USP24: variants seen among roughly 807,000 people sequenced by gnomAD.
The protein encoded by USP24 is ubiquitin specific peptidase 24.
In USP24, 97 loss-of-function variants were observed where a neutral mutation model predicts 361.6. The ratio of observed to expected loss-of-function variants is 0.27; its 90% CI spans 0.23 to 0.32. USP24 has a LOEUF of 0.32. Among genes scored for constraint, USP24 ranks in the 10% least tolerant of loss-of-function variants. The pLI, the probability that USP24 is intolerant of heterozygous loss-of-function variation, is 1.00. For missense variants in USP24, 2,353 were observed against 3,165.6 expected, an observed-to-expected ratio of 0.74 and a Z score of 6.16; for synonymous variants, 1,098 against 1,124.6, an observed-to-expected ratio of 0.98 and a Z score of 0.47.
In USP24 at chr1:55,157,363, T is replaced by C. The variant is rs751387291; in HGVS notation, c.1235A>G (p.Lys412Arg). ...AKMNSLKEVT[K>R]LIEDSTLSKS... ...GGATAAAGTGCTATCTTCTATTAGT[T>C]TGGTTACCTAAAAAGATAAGATTAT... Residue 412 changes from lysine to arginine, a missense_variant, in exon 11 of 68, where the codon AAA becomes AGA. Physicochemically the swap from Lys to Arg is conservative, Grantham distance 26. Around this residue, in one of 8 missense-constraint regions of USP24, gnomAD observed 386 missense variants for 560.5 expected, o/e 0.69. Coordinates refer to ENST00000294383, the MANE Select transcript of USP24 (RefSeq NM_015306.3). 72 of 1,566,668 alleles carry C rather than the reference T, an allele frequency of 4.6e-5. No individual in the cohort carries two copies. The highest frequency in any genetic ancestry group is 5.8e-5 in the Non-Finnish European group (67 of 1,156,064).
chr1:55,182,540 A>G (rs1644005938), intron 1 of USP24, among the ~76,000 whole-genome samples: 1 of 152,122 alleles, frequency 6.6e-6, no homozygotes, highest in African/African-American at 2.4e-5. Flanking sequence ...CAAACAACAT[A>G]TGAAATCGTC....
intron 59 of USP24, 133 bp from the exon 60 acceptor site, chr1:55,079,792 C>CGGAG: frequency 6.0e-6 from 5 of 827,784 alleles, no homozygotes; most frequent in Non-Finnish European, 8.4e-6. Flanking sequence ...TACTCACACA[C>CGGAG]TGAGTACTCA....
intron 1 of USP24, among the ~76,000 whole-genome samples, chr1:55,207,021 T>C (rs1644725073): frequency 6.6e-6 from 1 of 151,808 alleles, no homozygotes; most frequent in African/African-American, 2.4e-5. Flanking sequence ...AATACAAAAA[T>C]TGGCACACAC....
Position 55,124,646 on chromosome 1 carries a change from T to C in USP24, c.3961-18A>G. 1.2e-6 allele frequency: 2 copies of C among 1,613,108 alleles called. No individual in the cohort carries two copies. Among genetic ancestry groups the C allele is most frequent in the African/African-American group, 1.3e-5 (1 of 75,000 alleles). The stretch of plus-strand genomic sequence containing the variant: ...TCCATTGTCTAAAGAATGGAACAAG[T>C]ATTATGAGAAAGAGCAATACTTGAA... On this transcript the variant is annotated intron_variant, in intron 34 of 67. Coordinates refer to ENST00000294383, the MANE Select transcript of USP24 (RefSeq NM_015306.3).
At chr1:55,142,827 C>T (rs1294961256) in intron 22 of USP24, 32 bp from the exon 23 acceptor site, 6 of 1,469,370 alleles carry the variant, frequency 4.1e-6, no homozygotes, top group Non-Finnish European at 5.5e-6. Flanking sequence ...ACAATTAGTC[C>T]TTGACATTTA....
At chr1:55,138,111 C>T (rs902696342) in intron 26 of USP24, among the ~76,000 whole-genome samples, 13 of 151,928 alleles carry the variant, frequency 8.6e-5, no homozygotes, top group African/African-American at 1.7e-4. Context: ...CCCCATCAAG[C>T]GTGGAATGAG....
chr1:55,205,167 CA>C (rs1445768111), intron 1 of USP24, among the ~76,000 whole-genome samples: 1 of 151,802 alleles, frequency 6.6e-6, no homozygotes, highest in African/African-American at 2.4e-5. Flanking sequence ...TCCCTTTGGC[CA>C]AAAAAGGGGC....
intron 1 of USP24, among the ~76,000 whole-genome samples, chr1:55,207,306 G>A (rs569752697): frequency 2.0e-5 from 3 of 149,566 alleles, no homozygotes; most frequent in African/African-American, 7.4e-5. Context: ...AGGAAATGCT[G>A]AACTGTTTAT....
intron 3 of USP24, among the ~76,000 whole-genome samples, chr1:55,174,264 C>T (rs2100810462): frequency 6.6e-6 from 1 of 152,214 alleles, no homozygotes; most frequent in South Asian, 2.1e-4. Context: ...GAGGGATGGT[C>T]ATCGAACCGA....
chr1:55,150,193 A>G (rs1647154245), intron 16 of USP24, among the ~76,000 whole-genome samples: 2 of 152,208 alleles, frequency 1.3e-5, no homozygotes, highest in Admixed American at 1.3e-4. Context: ...CCAATCATAA[A>G]GATTTCAGAG....
chr1:55,198,916 CA>C (rs1413497462), intron 1 of USP24, among the ~76,000 whole-genome samples: 1 of 152,114 alleles, frequency 6.6e-6, no homozygotes, highest in Non-Finnish European at 1.5e-5. Flanking sequence ...ATCTTTTAAA[CA>C]TAAGAGATCT....
At chr1:55,110,352 G>A in intron 38 of USP24, 106 bp from the exon 39 acceptor site, 4 of 932,840 alleles carry the variant, frequency 4.3e-6, no homozygotes, top group Non-Finnish European at 4.6e-6. Context: ...AGATAATTTT[G>A]GTAAGCATAA....
chr1:55,210,948 A>C (rs1027871922), intron 1 of USP24, among the ~76,000 whole-genome samples: 1 of 152,222 alleles, frequency 6.6e-6, no homozygotes, highest in African/African-American at 2.4e-5. Flanking sequence ...AGTATTTTCT[A>C]AAGACAAACT....
At chr1:55,092,285 A>T (rs1330216603) in intron 53 of USP24, among the ~76,000 whole-genome samples, 159 bp from the exon 54 acceptor site, 1 of 152,248 alleles carries the variant, frequency 6.6e-6, no homozygotes, top group East Asian at 1.9e-4. Flanking sequence ...AGTTCATTAT[A>T]AAAAAATGTT....
chr1:55,177,484 T>A (rs1159646047), intron 2 of USP24, among the ~76,000 whole-genome samples: 2 of 152,108 alleles, frequency 1.3e-5, no homozygotes, highest in African/African-American at 4.8e-5. Flanking sequence ...ATTTCATAAC[T>A]GAATTCAATA....
chr1:55,096,065 C>A (rs1645489477), intron 50 of USP24, among the ~76,000 whole-genome samples: 1 of 152,132 alleles, frequency 6.6e-6, no homozygotes, highest in South Asian at 2.1e-4. Context: ...GACTGCTTTG[C>A]CACACTGCAT....
chr1:55,146,520 A>G (rs184140554), intron 19 of USP24, among the ~76,000 whole-genome samples: 3 of 152,322 alleles, frequency 2.0e-5, no homozygotes, highest in Admixed American at 2.0e-4. Flanking sequence ...GATTTAATCT[A>G]TCTTTGGCTG....
intron 20 of USP24, among the ~76,000 whole-genome samples, chr1:55,144,540 A>C (rs1315603544): frequency 6.6e-6 from 1 of 152,252 alleles, no homozygotes; most frequent in African/African-American, 2.4e-5. Flanking sequence ...TAAAATGGGC[A>C]AAAGATTTTA....
chr1:55,188,964 C>CAAAAAAAAAAAAAAAAAAAA (rs533085761), intron 1 of USP24, among the ~76,000 whole-genome samples: 5 of 74,392 alleles, frequency 6.7e-5, no homozygotes, highest in Admixed American at 1.5e-4. Flanking sequence ...AACTCCATCT[C>CAAAAAAAAAAAAAAAAAAAA]AAAAAAAAAA....
Sources: allele counts gnomAD v4.1 joint callset (sites outside exome capture counted in the v4.1 genomes callset), GRCh38; gene constraint gnomAD v4.1.1; regional missense constraint gnomAD v4.1.1; transcripts MANE v1.5; gene names NCBI Gene and HGNC (gene_info 2026-07-23, HGNC 2026-07-21).